Variants in CC2D2A observed in about 807,000 individuals in gnomAD.
The protein encoded by CC2D2A is coiled-coil and C2 domain-containing protein 2A.
A neutral mutation model predicts 212.9 loss-of-function variants in CC2D2A; 155 were observed. The ratio of observed to expected loss-of-function variants is 0.73; its 90% CI spans 0.64 to 0.83. The LOEUF (loss-of-function observed/expected upper bound fraction) is 0.83, where lower values mean the gene tolerates loss of function less well. CC2D2A is among the 40% of genes least tolerant of loss of function. The pLI is 0.00. For synonymous variants in CC2D2A, 667 were observed against 686.5 expected, an observed-to-expected ratio of 0.97 and a Z score of 0.44; for missense variants, 1,856 against 1,956.2, an observed-to-expected ratio of 0.95 and a Z score of 0.97.
intron 6 of CC2D2A, among the ~76,000 whole-genome samples, chr4:15,508,201 A>G (rs1212377553): frequency 6.6e-6 from 1 of 152,168 alleles, no homozygotes; most frequent in Non-Finnish European, 1.5e-5. Context: ...TCCTCAGAGG[A>G]TCCCTGTGGG....
At chr4:15,548,077 T>C (rs889073952) in intron 17 of CC2D2A, among the ~76,000 whole-genome samples, 10 of 150,532 alleles carry the variant, frequency 6.6e-5, no homozygotes, top group African/African-American at 2.4e-4. Context: ...AAAGAACTTC[T>C]GCTATCTTAA....
chr4:15,489,600 A>G (rs939429784), intron 4 of CC2D2A, among the ~76,000 whole-genome samples: 1 of 152,226 alleles, frequency 6.6e-6, no homozygotes, highest in Non-Finnish European at 1.5e-5. Context: ...AAACAAAAAA[A>G]TAAAACTTCT....
intron 30 of CC2D2A, among the ~76,000 whole-genome samples, chr4:15,583,431 G>A (rs1249042728): frequency 1.3e-5 from 2 of 152,168 alleles, no homozygotes; most frequent in Non-Finnish European, 2.9e-5. Context: ...CATAAATTTA[G>A]AAAACCCTAA....
chr4:15,559,974 G>A (rs1719489678), intron 22 of CC2D2A, among the ~76,000 whole-genome samples: 1 of 152,042 alleles, frequency 6.6e-6, no homozygotes, highest in Non-Finnish European at 1.5e-5. Context: ...CAGGACTACA[G>A]GTACACACCA....
At chr4:15,577,754 A>C (rs1720476001) in intron 29 of CC2D2A, among the ~76,000 whole-genome samples, 1 of 151,890 alleles carries the variant, frequency 6.6e-6, no homozygotes, top group African/African-American at 2.4e-5. Context: ...ATCAGTACTG[A>C]TTCAAGATTG....
At position 15,580,005 on chromosome 4, in the gene CC2D2A, CTG is replaced by C. The variant is rs1312758061; in HGVS notation, c.3810_3811del (p.Lys1272ValfsTer4). On this transcript the variant is annotated frameshift_variant, in exon 30 of 37. Transcript: ENST00000424120. LOFTEE classifies it high-confidence loss of function. ...GAAGATGAGAAATTACTTCAAGCAACTGAGAAGTTTCAAGCTGAATGTGCCTT... is the reference window on the plus strand; with the variant it reads ...GAAGATGAGAAATTACTTCAAGCAACAGAAGTTTCAAGCTGAATGTGCCTT... The C allele has an allele frequency of 6.2e-7, 1 of 1,613,782 alleles. No individual in the cohort carries two copies. The highest frequency in any genetic ancestry group is 8.5e-7 in the Non-Finnish European group (1 of 1,179,830).
intron 13 of CC2D2A, 143 bp downstream of exon 13, chr4:15,528,869 AT>A (rs1289256182): frequency 1.7e-6 from 1 of 598,634 alleles, no homozygotes; most frequent in Admixed American, 3.1e-5. Flanking sequence ...CATCTATCAT[AT>A]TAACACAGTA....
chr4:15,509,063 T>C (rs1051937296), intron 6 of CC2D2A, among the ~76,000 whole-genome samples: 10 of 152,106 alleles, frequency 6.6e-5, no homozygotes, highest in Admixed American at 2.6e-4. Flanking sequence ...GGAATACCCA[T>C]ATGATAACTA....
At chr4:15,505,680 T>A (rs936626913) in intron 6 of CC2D2A, among the ~76,000 whole-genome samples, 1 of 152,242 alleles carries the variant, frequency 6.6e-6, no homozygotes, top group Non-Finnish European at 1.5e-5. Flanking sequence ...TGGCTTTCTT[T>A]GATCTGACGC....
intron 17 of CC2D2A, among the ~76,000 whole-genome samples, chr4:15,543,408 G>C (rs1318253878): frequency 2.6e-5 from 4 of 152,174 alleles, no homozygotes; most frequent in Non-Finnish European, 5.9e-5. Flanking sequence ...AATGGTTTTA[G>C]AAAGGGGATT....
intron 2 of CC2D2A, 115 bp from the exon 3 acceptor site, chr4:15,478,608 A>T: frequency 1.4e-6 from 1 of 699,090 alleles, no homozygotes; most frequent in Non-Finnish European, 2.4e-6. Flanking sequence ...CCCAACTCAC[A>T]CTCAGCATTA....
chr4:15,594,706 A>G (rs1721242062), intron 33 of CC2D2A, among the ~76,000 whole-genome samples: 1 of 152,206 alleles, frequency 6.6e-6, no homozygotes, highest in Admixed American at 6.5e-5. Context: ...AACACGAGAA[A>G]GGGTATGCAT....
Position 15,570,485 on chromosome 4 carries a change from T to C in CC2D2A, c.3583T>C (p.Phe1195Leu). Residue 1195 changes from phenylalanine (F) to leucine (L), a missense_variant, in exon 28 of 37, where the codon TTC becomes CTC. Transcript: ENST00000424120. ...CVKMPFSTIY[F>L]QARIDGTFKI... ...GAAAATGCCATTTAGCACAATATAT[T>C]TCCAAGCAAGGGTAAGTATCTAAAG... 1 of 1,599,402 alleles carries C rather than the reference T, an allele frequency of 6.3e-7. No homozygotes were observed. Among genetic ancestry groups the C allele is most frequent in the Non-Finnish European group, 8.5e-7 (1 of 1,170,044 alleles).
chr4:15,570,988 AAAC>A (rs1376735667), intron 28 of CC2D2A, among the ~76,000 whole-genome samples: 1 of 152,256 alleles, frequency 6.6e-6, no homozygotes. Context: ...GGCTCAAAAG[AAAC>A]AAACCTCTAA....
Position 15,553,314 on chromosome 4 carries a change from T to C in CC2D2A, c.2486+9T>C, listed in dbSNP as rs768382177. On this transcript the variant is annotated intron_variant, in intron 19 of 36. Coordinates refer to ENST00000424120, the MANE Select transcript of CC2D2A (RefSeq NM_001378615.1). Reference sequence around the variant, plus strand: ...AACATCGGATTTCGGAGGTAATACATGGCAAGAGTAAATTGATGAGCAATG... The same window carrying C: ...AACATCGGATTTCGGAGGTAATACACGGCAAGAGTAAATTGATGAGCAATG... The C allele has an allele frequency of 2.2e-5, 35 of 1,611,364 alleles. 1 individual carries two copies. In the South Asian group the frequency reaches 3.3e-4, roughly 15 times the overall value.
rs148351482 is a variant in CC2D2A at position 15,522,292 on chromosome 4, G to A, written c.1150-5155G>A. ...GGCATTTCCTTGGGCCCTTAACAGA[G>A]CCTTGATGAATTTATGCCTCAGAGC... is the stretch of plus-strand genomic sequence containing the variant. On this transcript the variant is annotated intron_variant, in intron 11 of 36. Transcript: ENST00000424120. Among the ~76,000 whole-genome samples the A allele has an allele frequency of 6.3e-3, 961 of 152,270 alleles. 6 individuals are homozygous for A. The highest frequency in any genetic ancestry group is 0.022 in the African/African-American group (894 of 41,546).
intron 1 of CC2D2A, among the ~76,000 whole-genome samples, chr4:15,471,554 A>G (rs1157117026): frequency 6.6e-6 from 1 of 152,012 alleles, no homozygotes; most frequent in East Asian, 1.9e-4. Flanking sequence ...GCATTTTACT[A>G]CACACATTTC....
intron 6 of CC2D2A, among the ~76,000 whole-genome samples, chr4:15,505,948 G>C (rs1355208975): frequency 2.0e-5 from 3 of 152,176 alleles, no homozygotes; most frequent in African/African-American, 4.8e-5. Context: ...ATCAGGGCTA[G>C]AGCTAATATA....
At chr4:15,507,597 C>T (rs1179370267) in intron 6 of CC2D2A, among the ~76,000 whole-genome samples, 1 of 152,126 alleles carries the variant, frequency 6.6e-6, no homozygotes, top group Non-Finnish European at 1.5e-5. Context: ...TGAAAATCAG[C>T]TGACAAAAGG....
Sources: allele counts gnomAD v4.1 joint callset (sites outside exome capture counted in the v4.1 genomes callset), GRCh38; gene constraint gnomAD v4.1.1; transcripts MANE v1.5; gene names NCBI Gene and HGNC (gene_info 2026-07-23, HGNC 2026-07-21).